Variants in FER observed in about 807,000 individuals in gnomAD.
FER encodes the protein tyrosine-protein kinase Fer.
FER carries 63 observed loss-of-function variants against 111.0 expected under a neutral mutation model. The ratio of observed to expected loss-of-function variants is 0.57; its 90% CI spans 0.46 to 0.70. The LOEUF (loss-of-function observed/expected upper bound fraction) is 0.70, where lower values mean the gene tolerates loss of function less well. Ranked by LOEUF, FER falls within the 30% of genes least tolerant of loss-of-function variation. FER has a pLI of 0.00. For synonymous variants in FER, 327 were observed against 313.9 expected, an observed-to-expected ratio of 1.04 and a Z score of -0.44; for missense variants, 914 against 954.0, an observed-to-expected ratio of 0.96 and a Z score of 0.55.
intron 17 of FER, among the ~76,000 whole-genome samples, chr5:109,100,925 A>G (rs7704875): frequency 0.078 from 11,831 of 151,900 alleles, 520 homozygotes; most frequent in Middle Eastern, 0.14. Flanking sequence ...ACAGCAATTC[A>G]TAACAGTGAA....
chr5:108,910,434 C>T (rs1751383397), intron 10 of FER, among the ~76,000 whole-genome samples: 1 of 152,054 alleles, frequency 6.6e-6, no homozygotes, highest in African/African-American at 2.4e-5. Context: ...AGCATAATTT[C>T]CCTATTCTTT....
At chr5:109,119,573 T>A (rs548732669) in intron 17 of FER, among the ~76,000 whole-genome samples, 3 of 152,156 alleles carry the variant, frequency 2.0e-5, no homozygotes, top group Non-Finnish European at 4.4e-5. Context: ...TTGTTAACTT[T>A]CTGTCTCGTT....
chr5:109,149,928 C>T (rs1754637173), intron 17 of FER, among the ~76,000 whole-genome samples: 1 of 152,142 alleles, frequency 6.6e-6, no homozygotes, highest in African/African-American at 2.4e-5. Flanking sequence ...GCCTGAGCTC[C>T]ACCGCCTGTC....
chr5:108,975,953 A>G (rs1761279324), intron 13 of FER, among the ~76,000 whole-genome samples: 2 of 152,218 alleles, frequency 1.3e-5, no homozygotes, highest in African/African-American at 4.8e-5. Context: ...TAAGTTTTAC[A>G]TATATGTGAC....
At chr5:108,994,140 T>A (rs1478755062) in intron 13 of FER, among the ~76,000 whole-genome samples, 1 of 152,240 alleles carries the variant, frequency 6.6e-6, no homozygotes, top group Middle Eastern at 3.2e-3. Context: ...AGATCCCATA[T>A]GTCAGTTTTT....
chr5:108,908,935 G>A (rs72792000), intron 10 of FER, among the ~76,000 whole-genome samples: 19,833 of 152,148 alleles, frequency 0.13, 1,403 homozygotes, highest in Middle Eastern at 0.19. Flanking sequence ...GGAGACTAAG[G>A]TGGGACGATG....
chr5:108,794,494 C>T (rs1755763631), intron 2 of FER, among the ~76,000 whole-genome samples: 1 of 150,496 alleles, frequency 6.6e-6, no homozygotes. Context: ...GCTGGGATTA[C>T]AGATGTGAGT....
chr5:108,889,290 C>CA (rs1210343011), intron 9 of FER, among the ~76,000 whole-genome samples: 1 of 151,730 alleles, frequency 6.6e-6, no homozygotes, highest in African/African-American at 2.4e-5. Context: ...TCACAATAGT[C>CA]AAGAGTCCGA....
intron 13 of FER, among the ~76,000 whole-genome samples, chr5:109,012,183 C>T (rs1418710274): frequency 1.3e-5 from 2 of 152,204 alleles, no homozygotes; most frequent in Non-Finnish European, 2.9e-5. Flanking sequence ...TGTGTATTCA[C>T]GTATGCCAGC....
intron 16 of FER, chr5:109,052,004 G>A (rs1379898252): frequency 2.1e-5 from 33 of 1,585,298 alleles, no homozygotes; most frequent in Non-Finnish European, 2.5e-5. Flanking sequence ...TAGGTTCGCA[G>A]CAACCCCCCT....
intron 13 of FER, among the ~76,000 whole-genome samples, chr5:109,030,911 A>C (rs2149860223): frequency 6.6e-6 from 1 of 152,168 alleles, no homozygotes. Context: ...TCAGTTGGGA[A>C]GTGAGATAAC....
chr5:108,984,526 C>A (rs531688146), intron 13 of FER, among the ~76,000 whole-genome samples: 12 of 150,054 alleles, frequency 8.0e-5, no homozygotes, highest in Middle Eastern at 7.1e-3. Context: ...ATTCTTATCC[C>A]AAACATGATG....
rs918198326 is a variant in FER at position 109,193,386 on chromosome 5, C to T, written c.*5811C>T. ...GAAAAAGTCTTTCAGGTTTGTGACA[C>T]GAAGACAGATTTAGCTTCCCACTTG... On this transcript the variant is annotated 3_prime_UTR_variant, in exon 20 of 20. Coordinates refer to ENST00000281092, the MANE Select transcript of FER (RefSeq NM_005246.4). The T allele has an allele frequency of 1.2e-4, 19 of 152,054 alleles. No individual in the cohort carries two copies. The highest frequency in any genetic ancestry group is 4.6e-4 in the African/African-American group (19 of 41,396). The allele number at this position is 152,054 out of a possible 1,614,324, so 9.4% of individuals were successfully genotyped here.
intron 1 of FER, among the ~76,000 whole-genome samples, chr5:108,758,627 T>C (rs997882800): frequency 6.6e-6 from 1 of 152,192 alleles, no homozygotes; most frequent in Non-Finnish European, 1.5e-5. Flanking sequence ...TTGTGTCTCG[T>C]TGAAGGATTC....
At chr5:108,882,113 T>G (rs1765738948) in intron 8 of FER, among the ~76,000 whole-genome samples, 1 of 152,124 alleles carries the variant, frequency 6.6e-6, no homozygotes, top group African/African-American at 2.4e-5. Flanking sequence ...TAATCAATAT[T>G]GCAACAAATA....
intron 17 of FER, among the ~76,000 whole-genome samples, chr5:109,114,440 T>C (rs564511928): frequency 6.6e-6 from 1 of 152,218 alleles, no homozygotes; most frequent in Non-Finnish European, 1.5e-5. Context: ...CAAGACCTCA[T>C]TGCTTATGAA....
chr5:108,769,051 T>A (rs1332548740), intron 2 of FER, among the ~76,000 whole-genome samples: 1 of 152,170 alleles, frequency 6.6e-6, no homozygotes, highest in Non-Finnish European at 1.5e-5. Context: ...CTTCTCAAAC[T>A]CCTGACCTCA....
chr5:108,812,419 C>T (rs890419572), intron 3 of FER, among the ~76,000 whole-genome samples: 8 of 152,010 alleles, frequency 5.3e-5, no homozygotes, highest in Non-Finnish European at 7.4e-5. Context: ...CTAATGTTAG[C>T]GTGGTATGTC....
At chr5:109,139,694 TTTC>T (rs2126628036) in intron 17 of FER, among the ~76,000 whole-genome samples, 1 of 152,230 alleles carries the variant, frequency 6.6e-6, no homozygotes, top group Non-Finnish European at 1.5e-5. Flanking sequence ...AACCCCCAGT[TTTC>T]TTCTGGATAT....
Sources: gnomAD v4.1 joint callset for allele counts (sites outside exome capture counted in the v4.1 genomes callset) on GRCh38, gnomAD v4.1.1 for gene constraint, MANE v1.5 for transcripts, NCBI Gene and HGNC (gene_info 2026-07-23, HGNC 2026-07-21) for gene names.